Variants in SKAP1 observed in about 807,000 individuals in gnomAD.
SKAP1 encodes src kinase associated phosphoprotein 1, also known as src kinase-associated phosphoprotein 1.
In SKAP1, 44 loss-of-function variants were observed where a neutral mutation model predicts 58.5. That is an observed-to-expected ratio of 0.75 (90% CI 0.59 to 0.97). SKAP1 has a LOEUF of 0.97. Among genes scored for constraint, SKAP1 ranks in the 50% least tolerant of loss-of-function variants. The pLI is 0.00. For synonymous variants in SKAP1, 127 were observed against 149.7 expected, an observed-to-expected ratio of 0.85 and a Z score of 1.11; for missense variants, 390 against 435.2, an observed-to-expected ratio of 0.90 and a Z score of 0.92.
intron 3 of SKAP1, among the ~76,000 whole-genome samples, chr17:48,358,831 A>G (rs1437368833): frequency 1.3e-5 from 2 of 152,152 alleles, no homozygotes; most frequent in African/African-American, 2.4e-5. Context: ...TGAAGTAGAT[A>G]TTATTAGTGA....
intron 4 of SKAP1, among the ~76,000 whole-genome samples, chr17:48,215,308 A>G (rs1297205990): frequency 6.6e-6 from 1 of 152,208 alleles, no homozygotes; most frequent in Non-Finnish European, 1.5e-5. Context: ...GGAGGAAGAC[A>G]AGCAGAAAGC....
At chr17:48,228,100 G>A (rs1383601612) in intron 4 of SKAP1, among the ~76,000 whole-genome samples, 1 of 152,072 alleles carries the variant, frequency 6.6e-6, no homozygotes, top group Non-Finnish European at 1.5e-5. Context: ...GAGAAACACT[G>A]ATGTAATTCA....
chr17:48,249,908 C>T (rs1482446355), intron 4 of SKAP1, among the ~76,000 whole-genome samples: 1 of 151,810 alleles, frequency 6.6e-6, no homozygotes, highest in Admixed American at 6.5e-5. Context: ...TTGAAAATGA[C>T]ACAGATCTGT....
intron 4 of SKAP1, among the ~76,000 whole-genome samples, chr17:48,199,497 C>T (rs182693296): frequency 1.5e-3 from 236 of 152,312 alleles, no homozygotes; most frequent in Non-Finnish European, 3.0e-3. Context: ...GTTGGGAGTA[C>T]TCCTTCAGTT....
chr17:48,149,388 A>G (rs1416491111), intron 11 of SKAP1, among the ~76,000 whole-genome samples: 1 of 152,166 alleles, frequency 6.6e-6, no homozygotes, highest in Non-Finnish European at 1.5e-5. Flanking sequence ...CCCTAGACAA[A>G]TGGAAGAGAG....
At chr17:48,267,056 A>G (rs1457709225) in intron 4 of SKAP1, among the ~76,000 whole-genome samples, 1 of 152,190 alleles carries the variant, frequency 6.6e-6, no homozygotes, top group East Asian at 1.9e-4. Flanking sequence ...ATCATGAAAA[A>G]AATGTGATGC....
intron 3 of SKAP1, among the ~76,000 whole-genome samples, chr17:48,348,883 C>T (rs1424086154): frequency 1.3e-5 from 2 of 152,198 alleles, no homozygotes; most frequent in Non-Finnish European, 2.9e-5. Context: ...GTAAAGTACA[C>T]AACGACATAG....
intron 4 of SKAP1, among the ~76,000 whole-genome samples, chr17:48,337,048 G>T (rs536293497): frequency 6.6e-6 from 1 of 152,052 alleles, no homozygotes; most frequent in Non-Finnish European, 1.5e-5. Flanking sequence ...ATTGGAAAAG[G>T]CTTCTATAAG....
At chr17:48,354,722 A>G (rs547379024) in intron 3 of SKAP1, among the ~76,000 whole-genome samples, 1 of 152,348 alleles carries the variant, frequency 6.6e-6, no homozygotes, top group East Asian at 1.9e-4. Context: ...GCATGTGTTG[A>G]TGAGAAGCCA....
At chr17:48,245,141 A>G (rs1418737030) in intron 4 of SKAP1, among the ~76,000 whole-genome samples, 1 of 152,202 alleles carries the variant, frequency 6.6e-6, no homozygotes, top group African/African-American at 2.4e-5. Context: ...CTCCAAAATT[A>G]TAGAATCTAA....
intron 4 of SKAP1, among the ~76,000 whole-genome samples, chr17:48,284,961 C>T (rs2065812381): frequency 6.6e-6 from 1 of 152,106 alleles, no homozygotes; most frequent in Non-Finnish European, 1.5e-5. Context: ...TTATGAAAGC[C>T]ATATTGAAAG....
At chr17:48,249,260 A>G (rs1452345737) in intron 4 of SKAP1, among the ~76,000 whole-genome samples, 1 of 152,226 alleles carries the variant, frequency 6.6e-6, no homozygotes, top group Non-Finnish European at 1.5e-5. Context: ...TCAAAAACCT[A>G]AAAAGGTGAT....
chr17:48,176,967 C>T (rs1404447817), intron 9 of SKAP1, among the ~76,000 whole-genome samples: 1 of 152,088 alleles, frequency 6.6e-6, no homozygotes, highest in African/African-American at 2.4e-5. Context: ...TTAGCAGAAC[C>T]GTCAATGTTA....
rs546713491 is a variant in SKAP1 at position 48,216,762 on chromosome 17, G to A, written c.281-27262C>T. On this transcript the variant is annotated intron_variant, in intron 4 of 12. Transcript: ENST00000336915. Reference sequence around the variant, plus strand: ...CCACCTCGGCCTCCCAAAGTGCTGGGATTACAGGTGTGAGCCACTGCACCT... The same window carrying A: ...CCACCTCGGCCTCCCAAAGTGCTGGAATTACAGGTGTGAGCCACTGCACCT... Among the ~76,000 whole-genome samples, 4 of 152,192 alleles carry A rather than the reference G, an allele frequency of 2.6e-5. No individual in the cohort carries two copies. The East Asian group carries it at 5.8e-4, about 22-fold the overall frequency.
chr17:48,179,828 A>G (rs1336355035), intron 9 of SKAP1, among the ~76,000 whole-genome samples: 1 of 152,186 alleles, frequency 6.6e-6, no homozygotes, highest in Non-Finnish European at 1.5e-5. Flanking sequence ...GTTACTTCAC[A>G]TGGCATGGAT....
intron 4 of SKAP1, among the ~76,000 whole-genome samples, chr17:48,320,090 T>C (rs2144217648): frequency 6.6e-6 from 1 of 152,092 alleles, no homozygotes; most frequent in Middle Eastern, 3.4e-3. Context: ...GCATGCAAGA[T>C]AACCCAGGAA....
chr17:48,361,071 G>GTACTGTACTA (rs1409618029), intron 3 of SKAP1, among the ~76,000 whole-genome samples: 1 of 145,380 alleles, frequency 6.9e-6, no homozygotes, highest in South Asian at 2.3e-4. Flanking sequence ...AACTTGTACT[G>GTACTGTACTA]TACTATACTA....
chr17:48,181,098 C>T (rs187911660), intron 8 of SKAP1, among the ~76,000 whole-genome samples: 5 of 152,198 alleles, frequency 3.3e-5, no homozygotes, highest in Admixed American at 2.6e-4. Context: ...GATGGAGAGA[C>T]GTCCAACTTT....
At chr17:48,207,835 A>G (rs1217289036) in intron 4 of SKAP1, among the ~76,000 whole-genome samples, 2 of 152,206 alleles carry the variant, frequency 1.3e-5, no homozygotes, top group Admixed American at 6.5e-5. Context: ...TTGATCAAGT[A>G]CCTGTAGATC....
Sources: allele counts gnomAD v4.1 joint callset (sites outside exome capture counted in the v4.1 genomes callset), GRCh38; gene constraint gnomAD v4.1.1; transcripts MANE v1.5; gene names NCBI Gene and HGNC (gene_info 2026-07-23, HGNC 2026-07-21).